The following NALF1 variants were observed in gnomAD, a reference collection of about 807,000 sequenced individuals.
NALF1 encodes the protein family with sequence similarity 155 member A.
In NALF1, 3 loss-of-function variants were observed where a neutral mutation model predicts 48.4. That is an observed-to-expected ratio of 0.06 (90% confidence interval 0.03 to 0.16). The LOEUF is 0.16. Ranked by LOEUF, NALF1 falls within the 10% of genes least tolerant of loss-of-function variation. The probability of loss-of-function intolerance (pLI) is 1.00; values close to 1 mark genes in which losing one functional copy is unlikely to be tolerated. For missense variants in NALF1, 526 were observed against 571.5 expected (o/e 0.92, Z 0.81); for synonymous variants, 262 against 245.7 (o/e 1.07, Z -0.62).
intron 1 of NALF1, among the ~76,000 whole-genome samples, chr13:107,614,277 A>C (rs1879319421): frequency 6.6e-6 from 1 of 152,202 alleles, no homozygotes; most frequent in Admixed American, 6.5e-5. Flanking sequence ...TAACATCATC[A>C]AGGATTGGAG....
intron 1 of NALF1, among the ~76,000 whole-genome samples, chr13:107,675,513 T>G (rs1373030874): frequency 6.6e-6 from 1 of 152,236 alleles, no homozygotes; most frequent in Non-Finnish European, 1.5e-5. Flanking sequence ...TTCTTTTTCT[T>G]GAATCGCTAG....
chr13:107,594,055 C>T (rs1195795101), intron 1 of NALF1, among the ~76,000 whole-genome samples: 1 of 151,874 alleles, frequency 6.6e-6, no homozygotes, highest in Non-Finnish European at 1.5e-5. Context: ...TTCTAGATAA[C>T]GATCCATTCA....
At chr13:107,197,148 C>T (rs1879408203) in intron 2 of NALF1, among the ~76,000 whole-genome samples, 1 of 152,146 alleles carries the variant, frequency 6.6e-6, no homozygotes, top group African/African-American at 2.4e-5. Context: ...CACCACACTA[C>T]AACACAGCTG....
intron 1 of NALF1, among the ~76,000 whole-genome samples, chr13:107,266,118 C>T (rs1881033025): frequency 6.6e-6 from 1 of 152,278 alleles, no homozygotes; most frequent in South Asian, 2.1e-4. Context: ...ATCAGGGCGA[C>T]GTAACATACA....
At chr13:107,286,094 C>T (rs533879489) in intron 1 of NALF1, among the ~76,000 whole-genome samples, 3 of 152,218 alleles carry the variant, frequency 2.0e-5, no homozygotes, top group Middle Eastern at 3.4e-3. Context: ...CAGAAGTCCA[C>T]GCAGATACTT....
chr13:107,312,102 G>T (rs924440193), intron 1 of NALF1, among the ~76,000 whole-genome samples: 1 of 152,144 alleles, frequency 6.6e-6, no homozygotes, highest in East Asian at 1.9e-4. Flanking sequence ...AAATCATGCT[G>T]CTATAAAGAC....
chr13:107,611,092 C>A (rs1879212496), intron 1 of NALF1, among the ~76,000 whole-genome samples: 1 of 152,192 alleles, frequency 6.6e-6, no homozygotes, highest in African/African-American at 2.4e-5. Flanking sequence ...CAGGTGTAAC[C>A]ATTTTTGTGT....
intron 1 of NALF1, among the ~76,000 whole-genome samples, chr13:107,303,710 G>A (rs911875486): frequency 5.9e-5 from 9 of 152,018 alleles, no homozygotes; most frequent in African/African-American, 1.2e-4. Context: ...TAAAATTCAC[G>A]AAGCATTAAG....
intron 1 of NALF1, among the ~76,000 whole-genome samples, chr13:107,579,557 T>C (rs1297296834): frequency 6.7e-6 from 1 of 148,210 alleles, no homozygotes; most frequent in Admixed American, 6.9e-5. Context: ...GTCTCTTTCC[T>C]GCCTTCCTTT....
intron 1 of NALF1, among the ~76,000 whole-genome samples, chr13:107,667,441 TC>T (rs1457026453): frequency 6.6e-6 from 1 of 152,088 alleles, no homozygotes; most frequent in Non-Finnish European, 1.5e-5. Flanking sequence ...AAATCAATGT[TC>T]TTTTGGTTAT....
intron 1 of NALF1, among the ~76,000 whole-genome samples, chr13:107,270,884 A>C (rs552159793): frequency 7.1e-6 from 1 of 141,294 alleles, no homozygotes; most frequent in African/African-American, 2.7e-5. Flanking sequence ...CTCATTGTTC[A>C]GTTCCCAACT....
intron 1 of NALF1, among the ~76,000 whole-genome samples, chr13:107,307,510 C>T (rs923916266): frequency 1.3e-5 from 2 of 150,366 alleles, no homozygotes; most frequent in Admixed American, 1.3e-4. Flanking sequence ...GACCGAGTCT[C>T]GCTCTGTCAC....
At chr13:107,428,469 C>A (rs921975400) in intron 1 of NALF1, among the ~76,000 whole-genome samples, 2 of 152,114 alleles carry the variant, frequency 1.3e-5, no homozygotes, top group African/African-American at 2.4e-5. Flanking sequence ...GATTTCAATT[C>A]TATCTATAAT....
At position 107,528,375 on chromosome 13, in the gene NALF1, T is replaced by C. The variant is rs1397051996; in HGVS notation, c.916-317620A>G. On this transcript the variant is annotated intron_variant, in intron 1 of 2. Coordinates refer to ENST00000375915, the MANE Select transcript of NALF1 (RefSeq NM_001080396.3). ...AAATATATTCTAACAAGTAACTGTG[T>C]GACATATCAGTTACTTGTAACCTTT... 3.9e-5 allele frequency among the ~76,000 whole-genome samples: 6 copies of C among 152,190 alleles called. No homozygotes were observed. The East Asian group carries it at 1.2e-3, about 29-fold the overall frequency.
Position 107,410,113 on chromosome 13 carries a change from C to T in NALF1, c.916-199358G>A, listed in dbSNP as rs145778711. Among the ~76,000 whole-genome samples, 462 of 152,268 alleles carry T rather than the reference C, an allele frequency of 3.0e-3. 4 individuals are homozygous for T. The highest frequency in any genetic ancestry group is 0.011 in the African/African-American group (439 of 41,554). ...CTTTCTATATTCTAAAGTAACAATG[C>T]TTGGTGCTTGTCCAAGAAGTGGTAA... is the stretch of plus-strand genomic sequence containing the variant. On this transcript the variant is annotated intron_variant, in intron 1 of 2. Transcript: ENST00000375915.
At chr13:107,321,123 A>G (rs1375883456) in intron 1 of NALF1, among the ~76,000 whole-genome samples, 1 of 152,146 alleles carries the variant, frequency 6.6e-6, no homozygotes, top group Non-Finnish European at 1.5e-5. Flanking sequence ...CAAATCTAGA[A>G]GACCTTTATC....
At chr13:107,234,518 C>T (rs900827067) in intron 1 of NALF1, among the ~76,000 whole-genome samples, 22 of 152,172 alleles carry the variant, frequency 1.4e-4, no homozygotes, top group African/African-American at 4.6e-4. Flanking sequence ...GGCAGGGCTG[C>T]GAGGGTCCGC....
At chr13:107,659,823 T>C (rs1158334221) in intron 1 of NALF1, among the ~76,000 whole-genome samples, 3 of 151,936 alleles carry the variant, frequency 2.0e-5, no homozygotes, top group Non-Finnish European at 4.4e-5. Context: ...TTTCTTTTTT[T>C]TTTTTGAGAT....
chr13:107,540,104 T>A lies in NALF1; in HGVS notation c.915+325578A>T, dbSNP rs191501228. Among the ~76,000 whole-genome samples, 38 of 150,850 alleles carry A rather than the reference T, an allele frequency of 2.5e-4. 1 individual carries two copies. In the East Asian group the frequency reaches 6.3e-3, roughly 25 times the overall value. On this transcript the variant is annotated intron_variant, in intron 1 of 2. Transcript: ENST00000375915. ...TTAGACAATTTGTAAAGCATTATGATTCTGTAGGCAATTCCCATCAGAAAA... is the reference window on the plus strand; with the variant it reads ...TTAGACAATTTGTAAAGCATTATGAATCTGTAGGCAATTCCCATCAGAAAA...
Sources: gnomAD v4.1 joint callset for allele counts (sites outside exome capture counted in the v4.1 genomes callset) on GRCh38, gnomAD v4.1.1 for gene constraint, MANE v1.5 for transcripts, NCBI Gene and HGNC (gene_info 2026-07-23, HGNC 2026-07-21) for gene names.